The following ATG7 variants were observed in gnomAD, a reference collection of about 807,000 sequenced individuals.
ATG7 encodes the protein ubiquitin-like modifier-activating enzyme ATG7.
Under a neutral mutation model 82.4 loss-of-function variants are expected in ATG7, and 70 were observed. That is an observed-to-expected ratio of 0.85 (90% CI 0.70 to 1.04). The LOEUF (loss-of-function observed/expected upper bound fraction) is 1.04. Ranked by LOEUF, ATG7 falls within the 50% of genes least tolerant of loss-of-function variation. ATG7 has a pLI of 0.00. For missense variants in ATG7, 792 were observed against 864.3 expected (o/e 0.92, Z 1.05); for synonymous variants, 287 against 313.0 (o/e 0.92, Z 0.88).
chr3:11,362,886 TG>T lies in ATG7; in HGVS notation c.1759del (p.Ala587ProfsTer4). ...RPGLAVIAGA[L>X]AVELMVSVLQ... ...GGACTGGCCGTGATTGCAGGAGCCCTGGCCGTGGAATTGATGGTATCTGTTT... is the reference window on the plus strand; with the variant it reads ...GGACTGGCCGTGATTGCAGGAGCCCTGCCGTGGAATTGATGGTATCTGTTT... On this transcript the variant is annotated frameshift_variant, in exon 17 of 21. Transcript: ENST00000693202. LOFTEE classifies it high-confidence loss of function. 6.2e-7 allele frequency: 1 copy of T among 1,614,066 alleles called. No individual in the cohort carries two copies. The highest frequency in any genetic ancestry group is 8.5e-7 in the Non-Finnish European group (1 of 1,179,958).
chr3:11,431,126 C>T (rs890994646), intron 20 of ATG7, among the ~76,000 whole-genome samples: 2 of 152,200 alleles, frequency 1.3e-5, no homozygotes, highest in African/African-American at 4.8e-5. Flanking sequence ...TTTGGCTGGG[C>T]GCAGTGGCTC....
At chr3:11,571,677 A>G in the ATG7 span, among the ~76,000 whole-genome samples, 1 of 152,126 alleles carries the variant, frequency 6.6e-6, no homozygotes, top group African/African-American at 2.4e-5. Flanking sequence ...AGGAAATAAA[A>G]ATAAAATACT....
At chr3:11,390,253 A>T (rs2078685904) in intron 19 of ATG7, among the ~76,000 whole-genome samples, 1 of 152,252 alleles carries the variant, frequency 6.6e-6, no homozygotes. Flanking sequence ...ATTGATTTTA[A>T]TCATAAGGCA....
In ATG7 at chr3:11,362,078, G is replaced by C. The variant is rs111423374; in HGVS notation, c.1684-735G>C. 7.9e-3 allele frequency among the ~76,000 whole-genome samples: 1,204 copies of C among 152,228 alleles called. 21 individuals are homozygous for C. The highest frequency in any genetic ancestry group is 0.027 in the African/African-American group (1,141 of 41,528). ...GTTATGGTGTTATAATATATAGCTG[G>C]TCTTGTTATTTAGTGATTGTCAACA... On this transcript the variant is annotated intron_variant, in intron 16 of 20. Coordinates refer to ENST00000693202, the MANE Select transcript of ATG7 (RefSeq NM_001349232.2).
At chr3:11,307,486 G>A (rs891012461) in intron 6 of ATG7, among the ~76,000 whole-genome samples, 1 of 152,228 alleles carries the variant, frequency 6.6e-6, no homozygotes, top group Non-Finnish European at 1.5e-5. Context: ...TCTCTGCAGT[G>A]TCTTCACTTA....
chr3:11,356,573 G>C (rs2075949901), intron 14 of ATG7, among the ~76,000 whole-genome samples: 1 of 152,106 alleles, frequency 6.6e-6, no homozygotes, highest in African/African-American at 2.4e-5. Context: ...GGTTAGCAAA[G>C]TTATTTTATT....
intron 20 of ATG7, among the ~76,000 whole-genome samples, chr3:11,547,317 T>C (rs1268687456): frequency 6.6e-6 from 1 of 152,214 alleles, no homozygotes; most frequent in Non-Finnish European, 1.5e-5. Context: ...TCCTCAGGGC[T>C]GCCGGGAAGA....
At chr3:11,320,807 C>G (rs1298944040) in intron 9 of ATG7, among the ~76,000 whole-genome samples, 2 of 152,220 alleles carry the variant, frequency 1.3e-5, no homozygotes, top group Admixed American at 1.3e-4. Context: ...TGGGTCAGTG[C>G]CTGGCACACA....
intron 20 of ATG7, among the ~76,000 whole-genome samples, chr3:11,452,384 CAAAAAAAAA>C (rs34530409): frequency 5.1e-5 from 3 of 58,420 alleles, no homozygotes; most frequent in Admixed American, 6.0e-4. Flanking sequence ...GAACCTGTCT[CAAAAAAAAA>C]AAAAAAAAAA....
intron 11 of ATG7, among the ~76,000 whole-genome samples, chr3:11,335,842 C>T (rs915718229): frequency 5.3e-5 from 8 of 151,992 alleles, no homozygotes; most frequent in Admixed American, 4.6e-4. Flanking sequence ...GGATTACAGT[C>T]GCGTGCCACC....
downstream of ATG7, among the ~76,000 whole-genome samples, chr3:11,562,461 C>G (rs1301444433): frequency 6.6e-6 from 1 of 152,196 alleles, no homozygotes; most frequent in Non-Finnish European, 1.5e-5. Flanking sequence ...CCTGTGGACA[C>G]AGAGCTTTGC....
intron 3 of ATG7, among the ~76,000 whole-genome samples, chr3:11,297,345 G>A (rs1946098043): frequency 6.6e-6 from 1 of 152,154 alleles, no homozygotes; most frequent in African/African-American, 2.4e-5. Context: ...GCAGCAGAGC[G>A]TGACCCTGTA....
At chr3:11,277,834 A>G (rs867230844) in intron 1 of ATG7, among the ~76,000 whole-genome samples, 18 of 137,330 alleles carry the variant, frequency 1.3e-4, no homozygotes, top group Admixed American at 2.5e-4. Flanking sequence ...AACAGGGCAT[A>G]TTTCAGTCCT....
intron 20 of ATG7, among the ~76,000 whole-genome samples, chr3:11,511,781 C>G (rs191985950): frequency 6.6e-6 from 1 of 152,162 alleles, no homozygotes; most frequent in Non-Finnish European, 1.5e-5. Context: ...TCGAGCACAG[C>G]ACCGGTGGGC....
At chr3:11,427,361 C>T (rs191770691) in intron 20 of ATG7, among the ~76,000 whole-genome samples, 288 of 152,202 alleles carry the variant, frequency 1.9e-3, no homozygotes, top group South Asian at 4.2e-3. Flanking sequence ...GGCTTTTTCA[C>T]GATTTGATCA....
At position 11,554,346 on chromosome 3, in the gene ATG7, A is replaced by G. The variant is rs576709732; in HGVS notation, c.2080-465A>G. Among the ~76,000 whole-genome samples, 63 of 152,272 alleles carry G rather than the reference A, an allele frequency of 4.1e-4. 1 individual carries two copies. Among genetic ancestry groups the G allele is most frequent in the African/African-American group, 1.5e-3 (63 of 41,572 alleles). On this transcript the variant is annotated intron_variant, in intron 20 of 20. Transcript: ENST00000693202. ...GTGTGGGCAGCTGGACTACAGTTAG[A>G]GGGAACATGGAGCAGGTGCCCAGGG...
At chr3:11,483,484 A>C (rs1434823019) in intron 20 of ATG7, among the ~76,000 whole-genome samples, 1 of 152,142 alleles carries the variant, frequency 6.6e-6, no homozygotes, top group Admixed American at 6.5e-5. Flanking sequence ...TAGGGAATAC[A>C]TTTGAAGAGG....
At chr3:11,280,237 G>A (rs1321619559) in intron 1 of ATG7, among the ~76,000 whole-genome samples, 2 of 151,914 alleles carry the variant, frequency 1.3e-5, no homozygotes, top group Admixed American at 6.6e-5. Flanking sequence ...TAGTAGAGAC[G>A]GGATTTCGCC....
chr3:11,381,994 T>C (rs1414874005), intron 19 of ATG7, among the ~76,000 whole-genome samples: 1 of 152,254 alleles, frequency 6.6e-6, no homozygotes, highest in African/African-American at 2.4e-5. Context: ...GTATATTTAG[T>C]ATAATACATG....
Sources: gnomAD v4.1 joint callset for allele counts (sites outside exome capture counted in the v4.1 genomes callset) on GRCh38, gnomAD v4.1.1 for gene constraint, MANE v1.5 for transcripts, NCBI Gene and HGNC (gene_info 2026-07-23, HGNC 2026-07-21) for gene names.